Variants in FARP1 observed in about 807,000 individuals in gnomAD.
FARP1 encodes the protein FERM, ARH/RhoGEF and pleckstrin domain protein 1.
A neutral mutation model predicts 128.8 loss-of-function variants in FARP1; 52 were observed. The ratio of observed to expected loss-of-function variants is 0.40; its 90% CI spans 0.32 to 0.51. The LOEUF (loss-of-function observed/expected upper bound fraction) is 0.51. FARP1 is among the 20% of genes least tolerant of loss of function. FARP1 has a pLI of 0.45. For synonymous variants in FARP1, 580 were observed against 551.8 expected, an observed-to-expected ratio of 1.05 and a Z score of -0.72; for missense variants, 1,333 against 1,367.9, an observed-to-expected ratio of 0.97 and a Z score of 0.40.
intron 3 of FARP1, among the ~76,000 whole-genome samples, chr13:98,360,778 T>C (rs1888839133): frequency 6.6e-6 from 1 of 152,198 alleles, no homozygotes; most frequent in African/African-American, 2.4e-5. Context: ...GGTCCATTCA[T>C]TTCAGCCAGA....
chr13:98,245,452 A>T, intron 2 of FARP1: 2 of 520,242 alleles, frequency 3.8e-6, no homozygotes, highest in South Asian at 8.3e-5. Flanking sequence ...AAGTAATACG[A>T]AGTGAGTACT....
rs145630475 is a variant in FARP1, at chr13:98,246,617, T to C, written c.171+33204T>C. 4.7e-3 allele frequency among the ~76,000 whole-genome samples: 716 copies of C among 152,150 alleles called. 6 individuals carry two copies. Among genetic ancestry groups the C allele is most frequent in the African/African-American group, 0.016 (680 of 41,496 alleles). On this transcript the variant is annotated intron_variant, in intron 2 of 26. Transcript: ENST00000319562. ...GTGTTTACATACTATACTCCCTCCT[T>C]CTCCTCTGGGGATAATCTAAAAAGC...
chr13:98,296,108 G>A (rs541608437), intron 2 of FARP1, among the ~76,000 whole-genome samples: 3 of 152,080 alleles, frequency 2.0e-5, no homozygotes, highest in African/African-American at 7.2e-5. Flanking sequence ...CCCGAGCATC[G>A]ATACATTATT....
Position 98,435,687 on chromosome 13 carries a change from A to G in FARP1, c.2255A>G (p.Asn752Ser). 1 of 1,614,170 alleles carries G rather than the reference A, an allele frequency of 6.2e-7. No homozygotes were observed. Among genetic ancestry groups the G allele is most frequent in the Non-Finnish European group, 8.5e-7 (1 of 1,180,014 alleles). ...AAGAAAGATTTGATTGGCATTGACA[A>G]TCTTGTGGTTCCGGGAAGGGTAAGC... ...ELKKDLIGID[N>S]LVVPGREFIR... Residue 752 changes from asparagine to serine, a missense_variant, in exon 19 of 27, where the codon AAT becomes AGT. By Grantham distance (46) the Asn-to-Ser change is conservative. Around this residue, in one of 2 missense-constraint regions of FARP1, gnomAD observed 1,009 missense variants for 969.8 expected, o/e 1.04. Coordinates refer to ENST00000319562, the MANE Select transcript of FARP1 (RefSeq NM_005766.4).
At chr13:98,191,054 C>T (rs939955336) in intron 1 of FARP1, among the ~76,000 whole-genome samples, 7 of 152,284 alleles carry the variant, frequency 4.6e-5, no homozygotes, top group African/African-American at 1.7e-4. Context: ...AGAGCTGACA[C>T]GCAACGTGGC....
At chr13:98,153,558 T>TTATATATATATTATATATATATTTA (rs71111923) in intron 1 of FARP1, among the ~76,000 whole-genome samples, 12 of 116,444 alleles carry the variant, frequency 1.0e-4, no homozygotes, top group Non-Finnish European at 2.1e-4. Context: ...AAATATATAT[T>TTATATATATATTATATATATATTTA]TATATATATT....
intron 5 of FARP1, among the ~76,000 whole-genome samples, chr13:98,372,081 CTTTTTTT>C (rs56838920): frequency 4.3e-5 from 4 of 92,348 alleles, no homozygotes; most frequent in East Asian, 3.0e-4. Flanking sequence ...CCCAGTTTTT[CTTTTTTT>C]TTTTTTTTTT....
chr13:98,444,899 C>T (rs1422148561), intron 24 of FARP1, among the ~76,000 whole-genome samples: 2 of 152,232 alleles, frequency 1.3e-5, no homozygotes, highest in East Asian at 3.9e-4. Flanking sequence ...CTGGCCACCA[C>T]CAGGACCTTC....
chr13:98,209,815 A>AG (rs1566743906), intron 1 of FARP1, among the ~76,000 whole-genome samples: 2 of 139,422 alleles, frequency 1.4e-5, no homozygotes, highest in Non-Finnish European at 3.1e-5. Context: ...AAAAAAAAAA[A>AG]AAAAAAAAAA....
intron 1 of FARP1, among the ~76,000 whole-genome samples, chr13:98,170,379 C>CA (rs1199656300): frequency 6.6e-6 from 1 of 151,884 alleles, no homozygotes; most frequent in Non-Finnish European, 1.5e-5. Context: ...TTTGTTGAGA[C>CA]AGAGTCTTGC....
rs1163065270 is a variant in FARP1 at position 98,448,752 on chromosome 13, T to C, written c.*435T>C. 1 of 154,358 alleles carries C rather than the reference T, an allele frequency of 6.5e-6. No individual in the cohort carries two copies. The highest frequency in any genetic ancestry group is 1.4e-5 in the Non-Finnish European group (1 of 71,214). The allele number at this position is 154,358 out of a possible 1,614,324, so 9.6% of individuals were successfully genotyped here. ...GGACTTCCCGGTGTTTGTTTGTTTG[T>C]TTGCAATACACTCAGTGCAGCCTTA... On this transcript the variant is annotated 3_prime_UTR_variant, in exon 27 of 27. Transcript: ENST00000319562.
intron 2 of FARP1, among the ~76,000 whole-genome samples, chr13:98,232,298 G>A (rs1882179147): frequency 1.3e-5 from 2 of 152,190 alleles, no homozygotes; most frequent in Admixed American, 6.5e-5. Context: ...AGAACTGCTG[G>A]TATTTATAGG....
chr13:98,446,551 G>T (rs1007409306), intron 25 of FARP1, 115 bp from the exon 26 acceptor site: 17 of 1,094,178 alleles, frequency 1.6e-5, no homozygotes, highest in Non-Finnish European at 2.3e-5. Flanking sequence ...CCAGGCCCAC[G>T]CCCGAGGAGG....
At chr13:98,261,502 T>C (rs1440127240) in intron 2 of FARP1, among the ~76,000 whole-genome samples, 1 of 151,912 alleles carries the variant, frequency 6.6e-6, no homozygotes, top group Non-Finnish European at 1.5e-5. Flanking sequence ...CTCCCACTGG[T>C]ATGCATGTCT....
intron 24 of FARP1, among the ~76,000 whole-genome samples, chr13:98,443,932 T>A (rs1249505322): frequency 1.3e-4 from 1 of 7,752 alleles, no homozygotes; most frequent in Non-Finnish European, 6.5e-4. Context: ...GGGTTATATT[T>A]GTTCCCCGTG....
At position 98,167,709 on chromosome 13, in the gene FARP1, C is replaced by A. The variant is rs114298477; in HGVS notation, c.-24+24217C>A. The stretch of plus-strand genomic sequence containing the variant: ...ACAAGCATGAGCCACTGCGCCTGGC[C>A]GCAAACAGTTTTAAAAAATCTTATG... On this transcript the variant is annotated intron_variant, in intron 1 of 26. Transcript: ENST00000319562. 4.4e-3 allele frequency among the ~76,000 whole-genome samples: 672 copies of A among 152,122 alleles called. 5 individuals are homozygous for A. The highest frequency in any genetic ancestry group is 0.014 in the African/African-American group (591 of 41,492).
chr13:98,170,836 A>G (rs1362993868), intron 1 of FARP1, among the ~76,000 whole-genome samples: 5 of 152,002 alleles, frequency 3.3e-5, no homozygotes, highest in Non-Finnish European at 5.9e-5. Context: ...TTTGTTTTGG[A>G]TGTGACTTTC....
intron 2 of FARP1, among the ~76,000 whole-genome samples, chr13:98,341,391 T>C (rs190193783): frequency 1.8e-4 from 27 of 152,250 alleles, no homozygotes; most frequent in Non-Finnish European, 2.5e-4. Context: ...CCCAGCACTT[T>C]GGGAGGCTGA....
At chr13:98,427,352 T>C (rs1891827363) in intron 17 of FARP1, among the ~76,000 whole-genome samples, 1 of 152,218 alleles carries the variant, frequency 6.6e-6, no homozygotes, top group Non-Finnish European at 1.5e-5. Flanking sequence ...GCTGTTTCTG[T>C]TGTTCTCTCC....
Sources: allele counts gnomAD v4.1 joint callset (sites outside exome capture counted in the v4.1 genomes callset), GRCh38; gene constraint gnomAD v4.1.1; regional missense constraint gnomAD v4.1.1; transcripts MANE v1.5; gene names NCBI Gene and HGNC (gene_info 2026-07-23, HGNC 2026-07-21).